ECM2: variants seen among roughly 807,000 people sequenced by gnomAD.
The protein encoded by ECM2 is extracellular matrix protein 2, female organ and adipocyte specific.
Under a neutral mutation model 67.5 loss-of-function variants are expected in ECM2, and 57 were observed. The observed-to-expected ratio is 0.84, with a 90% CI of 0.68 to 1.05. ECM2 has a LOEUF of 1.05. Among genes scored for constraint, ECM2 ranks in the 50% least tolerant of loss-of-function variants. ECM2 has a pLI of 0.00. For synonymous variants in ECM2, 258 were observed against 294.5 expected (o/e 0.88, Z 1.27); for missense variants, 741 against 822.8 (o/e 0.90, Z 1.22).
At chr9:92,532,020 T>C (rs1290717155) in intron 1 of ECM2, among the ~76,000 whole-genome samples, 2 of 127,472 alleles carry the variant, frequency 1.6e-5, no homozygotes, top group Non-Finnish European at 3.2e-5. Context: ...TTAATGTTTT[T>C]TTTTTTTTAT....
chr9:92,526,819 G>A (rs1042698020), intron 1 of ECM2, among the ~76,000 whole-genome samples: 1 of 152,102 alleles, frequency 6.6e-6, no homozygotes, highest in African/African-American at 2.4e-5. Context: ...TTAGTGTACA[G>A]TGTTTATAAA....
At chr9:92,513,327 CA>C (rs1847476737) in intron 4 of ECM2, among the ~76,000 whole-genome samples, 1 of 152,202 alleles carries the variant, frequency 6.6e-6, no homozygotes, top group South Asian at 2.1e-4. Context: ...GGGCAGGCTG[CA>C]GAGAGGCAGG....
At chr9:92,537,748 G>A (rs563819576), upstream of ECM2, among the ~76,000 whole-genome samples, 1 of 152,278 alleles carries the variant, frequency 6.6e-6, no homozygotes, top group South Asian at 2.1e-4. Flanking sequence ...AATGTCAGTG[G>A]TCAATAAAAC....
chr9:92,496,610 A>T, intron 9 of ECM2, 127 bp from the exon 10 acceptor site: 2 of 1,144,580 alleles, frequency 1.7e-6, no homozygotes, highest in Non-Finnish European at 2.3e-6. Flanking sequence ...GACCAGAATA[A>T]ATTCCAACTA....
upstream of ECM2, among the ~76,000 whole-genome samples, chr9:92,538,439 AT>A (rs954377704): frequency 6.6e-6 from 1 of 152,232 alleles, no homozygotes; most frequent in African/African-American, 2.4e-5. Flanking sequence ...GTTCTTTTAT[AT>A]TTTTATCATG....
intron 8 of ECM2, among the ~76,000 whole-genome samples, chr9:92,501,271 G>A (rs933689742): frequency 9.2e-5 from 14 of 152,136 alleles, no homozygotes; most frequent in African/African-American, 3.1e-4. Flanking sequence ...TCCCAGCTAT[G>A]TGAGTCCATG....
intron 5 of ECM2, among the ~76,000 whole-genome samples, chr9:92,510,396 A>C (rs1463723437): frequency 6.6e-6 from 1 of 152,386 alleles, no homozygotes; most frequent in African/African-American, 2.4e-5. Context: ...GAAATCATGC[A>C]GTAATCTGAA....
At chr9:92,493,934 T>A, downstream of ECM2, 1 of 588,378 alleles carries the variant, frequency 1.7e-6, no homozygotes. Context: ...GGCACCGGTC[T>A]GGATCTGCTG....
intron 3 of ECM2, chr9:92,517,273 A>G (rs1349594298): frequency 8.8e-6 from 2 of 228,184 alleles, no homozygotes; most frequent in South Asian, 7.6e-5. Flanking sequence ...TTTAGATGCA[A>G]ATCACTCTTC....
At chr9:92,550,557 G>A in the ECM2 span, among the ~76,000 whole-genome samples, 1 of 148,446 alleles carries the variant, frequency 6.7e-6, no homozygotes. Context: ...TTTTTTTTTT[G>A]TTTAGACTTT....
intron 7 of ECM2, 37 bp downstream of exon 7, chr9:92,505,496 A>G (rs1846945665): frequency 6.6e-7 from 1 of 1,513,672 alleles, no homozygotes; most frequent in South Asian, 1.2e-5. Context: ...TATTTCAAAT[A>G]TAATACATTT....
At chr9:92,541,901 C>T in the ECM2 span, among the ~76,000 whole-genome samples, 6 of 152,134 alleles carry the variant, frequency 3.9e-5, no homozygotes, top group Non-Finnish European at 5.9e-5. Flanking sequence ...TCAAGTGATT[C>T]TCCTGCCTCA....
chr9:92,535,830 C>T lies in ECM2; in HGVS notation c.-28+103G>A, dbSNP rs916823733. 6 of 323,546 alleles carry T rather than the reference C, an allele frequency of 1.9e-5. 1 individual carries two copies. The highest frequency in any genetic ancestry group is 5.2e-5 in the South Asian group (2 of 38,482). The allele number at this position is 323,546 out of a possible 1,614,324, so 20.0% of individuals were successfully genotyped here. On this transcript the variant is annotated intron_variant, in intron 1 of 9. Transcript: ENST00000344604. Reference sequence around the variant, plus strand: ...TTGAACTTTAAAAATCTATTAGTAACGAGCTAATTTACTCAAGAGTTAAAC... The same window carrying T: ...TTGAACTTTAAAAATCTATTAGTAATGAGCTAATTTACTCAAGAGTTAAAC...
downstream of ECM2, chr9:92,494,058 CTGTT>C (rs534005990): frequency 2.9e-4 from 456 of 1,596,216 alleles, 4 homozygotes; most frequent in South Asian, 4.0e-3. Context: ...GCTTACTTGT[CTGTT>C]TGATTTCCTG....
At chr9:92,501,364 G>A (rs1448937301) in intron 8 of ECM2, among the ~76,000 whole-genome samples, 7 of 152,112 alleles carry the variant, frequency 4.6e-5, no homozygotes, top group South Asian at 2.1e-4. Flanking sequence ...ATATCTGTAC[G>A]GTTGATGCGT....
intron 6 of ECM2, among the ~76,000 whole-genome samples, chr9:92,508,476 G>C (rs1847142849): frequency 6.6e-6 from 1 of 152,194 alleles, no homozygotes; most frequent in African/African-American, 2.4e-5. Flanking sequence ...TCACAATCAG[G>C]AGTGCATGTT....
the ECM2 span, among the ~76,000 whole-genome samples, chr9:92,543,688 A>C: frequency 6.6e-6 from 1 of 152,092 alleles, no homozygotes; most frequent in Non-Finnish European, 1.5e-5. Flanking sequence ...TGAACAAGAG[A>C]TATCTTTTCA....
At chr9:92,545,183 A>C in the ECM2 span, among the ~76,000 whole-genome samples, 9 of 152,146 alleles carry the variant, frequency 5.9e-5, no homozygotes, top group East Asian at 1.8e-3. Flanking sequence ...GTGCTGTGGG[A>C]GCTCCTTCCT....
At chr9:92,529,289 C>T (rs556890036) in intron 1 of ECM2, among the ~76,000 whole-genome samples, 7 of 152,264 alleles carry the variant, frequency 4.6e-5, no homozygotes, top group African/African-American at 1.7e-4. Context: ...GTCTAAAACC[C>T]AAAACACTGA....
Sources: gnomAD v4.1 joint callset for allele counts (sites outside exome capture counted in the v4.1 genomes callset) on GRCh38, gnomAD v4.1.1 for gene constraint, MANE v1.5 for transcripts, NCBI Gene and HGNC (gene_info 2026-07-23, HGNC 2026-07-21) for gene names.